Variants in EVL observed in about 807,000 individuals in gnomAD.
EVL encodes ena/VASP-like protein.
In EVL, 21 loss-of-function variants were observed where a neutral mutation model predicts 59.6. That is an observed-to-expected ratio of 0.35 (90% CI 0.25 to 0.51). The LOEUF (loss-of-function observed/expected upper bound fraction) is 0.51, where lower values mean the gene tolerates loss of function less well. Among genes scored for constraint, EVL ranks in the 20% least tolerant of loss-of-function variants. The pLI is 0.97. For missense variants in EVL, 462 were observed against 546.6 expected, an observed-to-expected ratio of 0.85 and a Z score of 1.54; for synonymous variants, 198 against 203.5, an observed-to-expected ratio of 0.97 and a Z score of 0.23.
chr14:100,056,287 T>C (rs943146820), intron 1 of EVL, among the ~76,000 whole-genome samples: 1 of 151,710 alleles, frequency 6.6e-6, no homozygotes, highest in African/African-American at 2.4e-5. Flanking sequence ...CTACCTGATG[T>C]TTTTGGGTCA....
intron 2 of EVL, among the ~76,000 whole-genome samples, chr14:100,094,073 G>C (rs1885633637): frequency 6.6e-6 from 1 of 152,038 alleles, no homozygotes; most frequent in African/African-American, 2.4e-5. Context: ...GTATCCACTG[G>C]GGGTCTTGGA....
chr14:100,085,929 C>T (rs556883416), intron 2 of EVL, among the ~76,000 whole-genome samples: 1 of 152,248 alleles, frequency 6.6e-6, no homozygotes, highest in South Asian at 2.1e-4. Flanking sequence ...AGTTCAAGAC[C>T]AGCCTGGCTA....
chr14:100,126,560 T>C (rs1595229852), intron 4 of EVL, 147 bp from the exon 5 acceptor site: 1 of 752,710 alleles, frequency 1.3e-6, no homozygotes, highest in African/African-American at 1.7e-5. Context: ...CTCTGTTAAG[T>C]GGAGGCAGCC....
chr14:100,047,112 C>T (rs1566983220), intron 1 of EVL, among the ~76,000 whole-genome samples: 2 of 11,402 alleles, frequency 1.8e-4, no homozygotes, highest in South Asian at 3.0e-3. Context: ...GGGCAGATCT[C>T]TCTCTCTTTT....
chr14:100,018,168 C>T (rs1427755533), intron 1 of EVL, among the ~76,000 whole-genome samples: 2 of 152,322 alleles, frequency 1.3e-5, no homozygotes, highest in East Asian at 3.9e-4. Context: ...ATGTTGGATG[C>T]CACGCAGGTG....
chr14:100,142,722 C>G (rs915424438), intron 13 of EVL, among the ~76,000 whole-genome samples: 1 of 151,694 alleles, frequency 6.6e-6, no homozygotes, highest in East Asian at 2.0e-4. Flanking sequence ...TCCAGTTCCC[C>G]CAAAGGCCTG....
chr14:100,115,690 G>T (rs548190604), intron 3 of EVL, among the ~76,000 whole-genome samples: 27 of 152,324 alleles, frequency 1.8e-4, no homozygotes, highest in Middle Eastern at 3.4e-3. Flanking sequence ...CAGTGGGTCA[G>T]TTGGCTCTGG....
intron 3 of EVL, among the ~76,000 whole-genome samples, chr14:100,113,932 A>G (rs1887163020): frequency 6.6e-6 from 1 of 152,148 alleles, no homozygotes. Flanking sequence ...GTGGAGAACC[A>G]CAGTAGTTTC....
chr14:100,037,586 G>A, intron 1 of EVL, among the ~76,000 whole-genome samples: 1 of 152,236 alleles, frequency 6.6e-6, no homozygotes, highest in Admixed American at 6.5e-5. Flanking sequence ...TCCAGCATGT[G>A]TTTCAAGTCT....
chr14:100,129,403 TG>T (rs1888289928), intron 6 of EVL, among the ~76,000 whole-genome samples, 159 bp from the exon 7 acceptor site: 1 of 152,178 alleles, frequency 6.6e-6, no homozygotes, highest in African/African-American at 2.4e-5. Flanking sequence ...TTCTCCCCTG[TG>T]GGGTTGGAGA....
At position 100,109,499 on chromosome 14, in the gene EVL, C is replaced by CT. The variant is rs1326987127; in HGVS notation, c.358+11842dup. ...GTGTCTCGGGAGCCCTGAAGAGAGA[C>CT]TGACACATCAGAGGTGTCTGGTGAC... On this transcript the variant is annotated intron_variant, in intron 3 of 13. Coordinates refer to ENST00000392920, the MANE Select transcript of EVL (RefSeq NM_016337.3). The surrounding 1 kb of genome is among the most constrained non-coding windows in gnomAD (Gnocchi z 4.3). 1.1e-5 allele frequency: 5 copies of CT among 449,760 alleles called. No individual in the cohort carries two copies. The highest frequency in any genetic ancestry group is 8.0e-5 in the African/African-American group (4 of 49,836). The allele number at this position is 449,760 out of a possible 1,614,324, so 27.9% of individuals were successfully genotyped here.
chr14:100,094,868 C>T lies in EVL; in HGVS notation c.181-2613C>T, dbSNP rs144162120. ...CATCCCAGCTAACACAGTGAAGCCC[C>T]GTCTCTACTAAAAATACAAAAAATT... On this transcript the variant is annotated intron_variant, in intron 2 of 13. Transcript: ENST00000392920. 3.5e-3 allele frequency among the ~76,000 whole-genome samples: 530 copies of T among 152,146 alleles called. 2 individuals are homozygous for T. Among genetic ancestry groups the T allele is most frequent in the African/African-American group, 0.012 (493 of 41,500 alleles).
intron 1 of EVL, among the ~76,000 whole-genome samples, chr14:100,010,880 T>C (rs12147064): frequency 0.058 from 8,781 of 152,324 alleles, 325 homozygotes; most frequent in Middle Eastern, 0.095. Flanking sequence ...GTGAATCAAA[T>C]GTTCCGTTTT....
rs139575571 is a variant in EVL at position 100,034,191 on chromosome 14, C to T, written c.6-50496C>T. On this transcript the variant is annotated intron_variant, in intron 1 of 13. Coordinates refer to the EVL transcript ENST00000402714. ...TGGAGGTTGCAATGAGCTGAAATCA[C>T]GCCACTGCACTCTAGCCTGGGCAAC... 6.6e-3 allele frequency among the ~76,000 whole-genome samples: 988 copies of T among 149,052 alleles called. 7 individuals carry two copies. The highest frequency in any genetic ancestry group is 0.023 in the African/African-American group (939 of 40,200).
At chr14:100,002,705 T>A (rs183307077) in intron 1 of EVL, among the ~76,000 whole-genome samples, 34 of 152,378 alleles carry the variant, frequency 2.2e-4, no homozygotes, top group African/African-American at 7.7e-4. Context: ...TTGGAAAGTT[T>A]GTCCAATATC....
chr14:100,001,220 C>T (rs187049738), intron 1 of EVL, among the ~76,000 whole-genome samples: 1 of 152,052 alleles, frequency 6.6e-6, no homozygotes, highest in East Asian at 1.9e-4. Context: ...GTTTGCAAGG[C>T]TTTAAGAAGC....
intron 1 of EVL, among the ~76,000 whole-genome samples, chr14:100,013,381 G>A (rs2061029159): frequency 6.6e-6 from 1 of 152,220 alleles, no homozygotes; most frequent in African/African-American, 2.4e-5. Context: ...ACCATTGATT[G>A]TGGTTAATGT....
intron 1 of EVL, chr14:100,019,629 A>G (rs1215696233): frequency 5.9e-6 from 9 of 1,526,634 alleles, no homozygotes; most frequent in Non-Finnish European, 7.0e-6. Context: ...CAAAAAGACT[A>G]CCACACAATC....
chr14:100,023,482 C>T (rs945669712), intron 1 of EVL, among the ~76,000 whole-genome samples: 2 of 151,178 alleles, frequency 1.3e-5, no homozygotes, highest in East Asian at 1.9e-4. Context: ...CATATGCCAC[C>T]ATGCCTGACT....
Sources: allele counts gnomAD v4.1 joint callset (sites outside exome capture counted in the v4.1 genomes callset), GRCh38; gene constraint gnomAD v4.1.1; non-coding constraint Gnocchi (gnomAD v3.1); transcripts MANE v1.5; gene names NCBI Gene and HGNC (gene_info 2026-07-23, HGNC 2026-07-21).